NDUFAF7: variants seen among roughly 807,000 people sequenced by gnomAD.
NDUFAF7 encodes the protein NADH:ubiquinone oxidoreductase complex assembly factor 7, also known as protein arginine methyltransferase NDUFAF7, mitochondrial.
Under a neutral mutation model 47.2 loss-of-function variants are expected in NDUFAF7, and 48 were observed. That is an observed-to-expected ratio of 1.02 (90% CI 0.81 to 1.29). The LOEUF (loss-of-function observed/expected upper bound fraction) is 1.29, where lower values mean the gene tolerates loss of function less well. Among genes scored for constraint, NDUFAF7 ranks in the 50% most tolerant of loss-of-function variants. The probability of loss-of-function intolerance (pLI) is 0.00; values close to 1 mark genes in which losing one functional copy is unlikely to be tolerated. For synonymous variants in NDUFAF7, 217 were observed against 190.0 expected, an observed-to-expected ratio of 1.14 and a Z score of -1.17; for missense variants, 635 against 537.6, an observed-to-expected ratio of 1.18 and a Z score of -1.79.
Position 37,241,697 on chromosome 2 carries a change from A to G in NDUFAF7, c.528A>G (p.Leu176=). 1 of 1,614,156 alleles carries G rather than the reference A, an allele frequency of 6.2e-7. No homozygotes were observed. The highest frequency in any genetic ancestry group is 1.1e-5 in the South Asian group (1 of 91,084). ...ALTLTKEKVP[L]ERNAGSPVYM... ...CACTGACTAAAGAGAAGGTCCCGTT[A>G]GAGCGAAATGCTGGATCCCCAGTGT... The change falls in exon 5 of 10, where the codon TTA becomes TTG. Residue 176 remains leucine (L), a synonymous_variant. Coordinates refer to ENST00000002125, the MANE Select transcript of NDUFAF7 (RefSeq NM_144736.5).
Position 37,237,846 on chromosome 2 carries a change from C to T in NDUFAF7, c.387C>T (p.Thr129=). The change falls in exon 4 of 10, where the codon ACC becomes ACT. Residue 129 remains threonine (T), a synonymous_variant. Transcript: ENST00000002125. ...TGGAACTGGGCCCAGGTAGGGGAAC[C>T]CTCGTGGGAGATATTTTGAGGGTAG... ...QLVELGPGRG[T]LVGDILRVFT... 1.2e-6 allele frequency: 2 copies of T among 1,610,746 alleles called. No homozygotes were observed. Among genetic ancestry groups the T allele is most frequent in the Non-Finnish European group, 1.7e-6 (2 of 1,177,002 alleles).
At chr2:37,234,029 G>T (rs1223271931) in intron 2 of NDUFAF7, among the ~76,000 whole-genome samples, 1 of 152,058 alleles carries the variant, frequency 6.6e-6, no homozygotes. Flanking sequence ...GGATTTCATC[G>T]TGCTCATCCT....
the NDUFAF7 span, among the ~76,000 whole-genome samples, chr2:37,265,655 G>T: frequency 4.6e-5 from 7 of 152,154 alleles, no homozygotes; most frequent in Admixed American, 4.6e-4. Flanking sequence ...ACACCACAAG[G>T]AAAGCCAAAT....
At chr2:37,269,338 C>G in the NDUFAF7 span, 1 of 395,408 alleles carries the variant, frequency 2.5e-6, no homozygotes, top group Non-Finnish European at 4.8e-6. Context: ...ACCATCTCCC[C>G]CCCTGCCTCC....
At chr2:37,267,489 T>C in the NDUFAF7 span, 5 of 1,611,732 alleles carry the variant, frequency 3.1e-6, no homozygotes, top group Non-Finnish European at 4.2e-6. Flanking sequence ...AATCTCATCT[T>C]ATCAATTACT....
chr2:37,265,017 A>C, the NDUFAF7 span, among the ~76,000 whole-genome samples: 2 of 152,162 alleles, frequency 1.3e-5, no homozygotes, highest in Admixed American at 1.3e-4. Context: ...TAATATGCGC[A>C]ATCTTCACCC....
rs139868306 is a variant in NDUFAF7, at chr2:37,240,716, A to C, written c.409-862A>C. 1.6e-4 allele frequency among the ~76,000 whole-genome samples: 24 copies of C among 152,310 alleles called. No homozygotes were observed. The East Asian group carries it at 4.6e-3, about 29-fold the overall frequency. Reference sequence around the variant, plus strand: ...CCAGAGCCCTTAAAATGTATGAAGGATGCTTTTCCAGACTGAGTCATAAGA... The same window carrying C: ...CCAGAGCCCTTAAAATGTATGAAGGCTGCTTTTCCAGACTGAGTCATAAGA... On this transcript the variant is annotated intron_variant, in intron 4 of 9. Transcript: ENST00000002125.
intron 2 of NDUFAF7, among the ~76,000 whole-genome samples, chr2:37,235,687 CTT>C (rs1665680692): frequency 6.8e-6 from 1 of 146,028 alleles, no homozygotes; most frequent in Non-Finnish European, 1.5e-5. Flanking sequence ...TGGAGTCTCA[CTT>C]TGTCACCTAG....
chr2:37,249,506 G>GGCGGAGGTT (rs1472465805), downstream of NDUFAF7, among the ~76,000 whole-genome samples: 3 of 151,516 alleles, frequency 2.0e-5, no homozygotes, highest in Admixed American at 6.6e-5. Context: ...GAACCCGGGA[G>GGCGGAGGTT]GCGGAGGTTG....
At chr2:37,238,997 A>G (rs749382020) in intron 4 of NDUFAF7, among the ~76,000 whole-genome samples, 1 of 152,100 alleles carries the variant, frequency 6.6e-6, no homozygotes, top group African/African-American at 2.4e-5. Context: ...TTGCCAGATT[A>G]GAAAAAAAAG....
the NDUFAF7 span, among the ~76,000 whole-genome samples, chr2:37,265,763 T>C: frequency 6.6e-6 from 1 of 152,212 alleles, no homozygotes; most frequent in South Asian, 2.1e-4. Flanking sequence ...AGAGACATCC[T>C]ACAATCTATT....
Position 37,241,898 on chromosome 2 carries a change from CA to C in NDUFAF7, c.622+109del, listed in dbSNP as rs1572553499. 7 of 981,414 alleles carry C rather than the reference CA, an allele frequency of 7.1e-6. No homozygotes were observed. The East Asian group carries it at 1.8e-4, about 25-fold the overall frequency. 60.8% of individuals were successfully genotyped at this position (981,414 alleles called of 1,614,324 possible). A position where few individuals can be genotyped will look rare whatever the true frequency, so the allele number is the denominator to read the frequency against. On this transcript the variant is annotated intron_variant, in intron 5 of 9. Transcript: ENST00000002125. ...ATATAATAGATTGAGTTACTGCTGC[CA>C]AGTCCCTTATCCATAGAGAGTAGCC...
the NDUFAF7 span, among the ~76,000 whole-genome samples, chr2:37,264,080 T>G: frequency 1.3e-5 from 2 of 152,166 alleles, no homozygotes; most frequent in Admixed American, 1.3e-4. Context: ...CATTACCACA[T>G]AATCTAGGAA....
At chr2:37,237,087 C>T (rs61208496) in intron 3 of NDUFAF7, among the ~76,000 whole-genome samples, 22,181 of 152,026 alleles carry the variant, frequency 0.15, 1,761 homozygotes, top group South Asian at 0.26. Flanking sequence ...TCTCCTGCCT[C>T]AGCCTCCCGA....
At chr2:37,265,073 C>T in the NDUFAF7 span, among the ~76,000 whole-genome samples, 5 of 152,076 alleles carry the variant, frequency 3.3e-5, no homozygotes, top group East Asian at 5.8e-4. Flanking sequence ...AAGCTATGGA[C>T]GCCTCTAGGG....
At chr2:37,262,876 A>G in the NDUFAF7 span, among the ~76,000 whole-genome samples, 1 of 151,442 alleles carries the variant, frequency 6.6e-6, no homozygotes, top group Non-Finnish European at 1.5e-5. Flanking sequence ...AGAGATGAGC[A>G]AAGTATCCTA....
chr2:37,234,114 G>A (rs1402598321), intron 2 of NDUFAF7, among the ~76,000 whole-genome samples: 1 of 152,086 alleles, frequency 6.6e-6, no homozygotes, highest in Non-Finnish European at 1.5e-5. Flanking sequence ...TTTTGAGATA[G>A]AGTCTCATTC....
In NDUFAF7 at chr2:37,249,157, C is replaced by G. The variant is rs1227135759; in HGVS notation, c.*807C>G. 6.6e-6 allele frequency: 1 copy of G among 152,022 alleles called. No individual in the cohort carries two copies. Among genetic ancestry groups the G allele is most frequent in the Non-Finnish European group, 1.5e-5 (1 of 68,044 alleles). 9.4% of individuals were successfully genotyped at this position (152,022 alleles called of 1,614,324 possible). ...ATAAATACGAGTAATTTCATAGAAA[C>G]GAATACACTAGTGTACACTGGTTGT... On this transcript the variant is annotated 3_prime_UTR_variant, in exon 10 of 10. Coordinates refer to ENST00000002125, the MANE Select transcript of NDUFAF7 (RefSeq NM_144736.5).
At chr2:37,245,712 C>T (rs1283827409) in intron 7 of NDUFAF7, among the ~76,000 whole-genome samples, 5 of 152,112 alleles carry the variant, frequency 3.3e-5, no homozygotes, top group Non-Finnish European at 5.9e-5. Context: ...CCCATGCTTT[C>T]AACCTAGAGG....
Sources: allele counts gnomAD v4.1 joint callset (sites outside exome capture counted in the v4.1 genomes callset), GRCh38; gene constraint gnomAD v4.1.1; transcripts MANE v1.5; gene names NCBI Gene and HGNC (gene_info 2026-07-23, HGNC 2026-07-21).